KLHL13: variants seen among roughly 807,000 people sequenced by gnomAD.
The protein encoded by KLHL13 is kelch-like protein 13.
A neutral mutation model predicts 37.1 loss-of-function variants in KLHL13; 10 were observed. The observed-to-expected ratio is 0.27, with a 90% CI of 0.17 to 0.46. The LOEUF (loss-of-function observed/expected upper bound fraction) is 0.46, where lower values mean the gene tolerates loss of function less well. Ranked by LOEUF, KLHL13 falls within the 20% of genes least tolerant of loss-of-function variation. The pLI is 1.00. For missense variants in KLHL13, 360 were observed against 509.3 expected (o/e 0.71, Z 2.82); for synonymous variants, 163 against 181.2 (o/e 0.90, Z 0.81).
intron 1 of KLHL13, among the ~76,000 whole-genome samples, chrX:118,023,703 G>C (rs2054246305): frequency 9.0e-6 from 1 of 111,238 alleles, no homozygotes; most frequent in African/African-American, 3.3e-5. Context: ...CAAATAGCTG[G>C]AATTACAGGT....
At chrX:117,955,689 A>G (rs1276984516) in intron 1 of KLHL13, among the ~76,000 whole-genome samples, 2 of 111,803 alleles carry the variant, frequency 1.8e-5, no homozygotes, top group Non-Finnish European at 3.8e-5. Flanking sequence ...TACGTGGCTC[A>G]ATGGAAGCAA....
intron 3 of KLHL13, among the ~76,000 whole-genome samples, 165 bp from the exon 5 acceptor site, chrX:117,919,882 A>G (rs756257683): frequency 9.1e-6 from 1 of 110,104 alleles, no homozygotes; most frequent in South Asian, 4.1e-4. Context: ...AAGTACTTAA[A>G]AAAGATAATC....
chrX:117,963,498 T>G (rs1004883146), intron 1 of KLHL13, among the ~76,000 whole-genome samples: 3 of 110,934 alleles, frequency 2.7e-5, no homozygotes, highest in Admixed American at 9.7e-5. Context: ...TCCAAGTCTT[T>G]GCTATTGTGA....
At chrX:118,114,148 T>A (rs2055441702) in intron 1 of KLHL13, among the ~76,000 whole-genome samples, 1 of 112,647 alleles carries the variant, frequency 8.9e-6, no homozygotes, top group East Asian at 2.8e-4. Context: ...TCAAGAGGTT[T>A]TAGTGGTTTA....
intron 1 of KLHL13, among the ~76,000 whole-genome samples, chrX:118,072,043 C>CA (rs1486362236): frequency 0.018 from 1,896 of 105,387 alleles, 39 homozygotes; most frequent in African/African-American, 0.061. Context: ...GCCAAAAGAA[C>CA]AAAGCTGGAG....
chrX:118,082,964 T>C (rs112666422), intron 1 of KLHL13, among the ~76,000 whole-genome samples: 4,480 of 111,788 alleles, frequency 0.04, 226 homozygotes, highest in African/African-American at 0.14. Flanking sequence ...TATGTGTCTG[T>C]TTTTATGCCA....
intron 4 of KLHL13, among the ~76,000 whole-genome samples, chrX:117,916,500 G>A (rs1489467956): frequency 8.9e-6 from 1 of 112,141 alleles, no homozygotes; most frequent in Admixed American, 9.4e-5. Context: ...TAGAAGGGAG[G>A]TTGGCTCTTG....
intron 1 of KLHL13, among the ~76,000 whole-genome samples, chrX:118,074,288 C>G (rs1329943314): frequency 8.9e-6 from 1 of 111,920 alleles, no homozygotes; most frequent in Non-Finnish European, 1.9e-5. Context: ...AAAACTGGTT[C>G]TCATAAGGGT....
chrX:118,000,077 AC>A (rs2053902664), intron 1 of KLHL13, among the ~76,000 whole-genome samples: 3 of 112,078 alleles, frequency 2.7e-5, no homozygotes, highest in African/African-American at 9.7e-5. Flanking sequence ...GGAACTGTTA[AC>A]CCCATCTGAT....
chrX:117,920,964 T>C (rs1931664357), intron 2 of KLHL13, among the ~76,000 whole-genome samples: 1 of 111,529 alleles, frequency 9.0e-6, no homozygotes, highest in South Asian at 3.8e-4. Flanking sequence ...TTATCTTTGT[T>C]TGAAAAAAAA....
At chrX:118,060,417 C>T (rs893395137) in intron 1 of KLHL13, among the ~76,000 whole-genome samples, 1 of 111,197 alleles carries the variant, frequency 9.0e-6, no homozygotes, top group Non-Finnish European at 1.9e-5. Context: ...AGCCTGAAAT[C>T]CCCACAATAA....
At chrX:118,055,615 A>T (rs765597720) in intron 1 of KLHL13, among the ~76,000 whole-genome samples, 2 of 111,662 alleles carry the variant, frequency 1.8e-5, no homozygotes, top group Non-Finnish European at 3.8e-5. Context: ...TGCAAAAAAA[A>T]TTCAGTAATA....
chrX:118,099,527 C>T (rs1350594628), intron 1 of KLHL13, among the ~76,000 whole-genome samples: 3 of 111,467 alleles, frequency 2.7e-5, no homozygotes, highest in East Asian at 2.8e-4. Flanking sequence ...TAAATGCACT[C>T]GGCTGGGCAC....
intron 1 of KLHL13, among the ~76,000 whole-genome samples, chrX:117,985,043 T>C (rs2053707972): frequency 9.0e-6 from 1 of 111,050 alleles, no homozygotes; most frequent in Non-Finnish European, 1.9e-5. Context: ...AAAATTCCCT[T>C]AGAAATCTTA....
At position 118,111,256 on chromosome X, in the gene KLHL13, C is replaced by A. The variant is rs146290561; in HGVS notation, c.-56+5252G>T. 8.0e-3 allele frequency among the ~76,000 whole-genome samples: 903 copies of A among 112,243 alleles called. 10 individuals are homozygous for A. Among genetic ancestry groups the A allele is most frequent in the African/African-American group, 0.026 (789 of 30,921 alleles). ...TATATACCATATGTTATGTAATACACCATTAGGGTCTATGGTGCAACCCCA... is the reference window on the plus strand; with the variant it reads ...TATATACCATATGTTATGTAATACAACATTAGGGTCTATGGTGCAACCCCA... On this transcript the variant is annotated intron_variant, in intron 1 of 6. Transcript: ENST00000371882.
chrX:117,952,228 A>G (rs944006226), intron 1 of KLHL13, among the ~76,000 whole-genome samples: 8 of 111,562 alleles, frequency 7.2e-5, no homozygotes, highest in African/African-American at 2.6e-4. Flanking sequence ...GGAACAGAAC[A>G]GAGCCCTCAG....
intron 1 of KLHL13, among the ~76,000 whole-genome samples, chrX:117,957,085 C>A (rs779159996): frequency 3.6e-5 from 4 of 111,618 alleles, no homozygotes; most frequent in Admixed American, 9.6e-5. Context: ...TTGACCCTTG[C>A]TTCTTCCCCA....
chrX:118,087,430 A>G (rs1330292048), intron 1 of KLHL13, among the ~76,000 whole-genome samples: 2 of 109,732 alleles, frequency 1.8e-5, no homozygotes, highest in Non-Finnish European at 3.8e-5. Context: ...CTGTGAGTAC[A>G]TTTATTCATT....
chrX:118,024,559 C>T (rs2054254310), intron 1 of KLHL13, among the ~76,000 whole-genome samples: 1 of 111,275 alleles, frequency 9.0e-6, no homozygotes, highest in African/African-American at 3.3e-5. Flanking sequence ...AATAATAACC[C>T]ATTTTTAAAT....
Sources: gnomAD v4.1 joint callset for allele counts (sites outside exome capture counted in the v4.1 genomes callset) on GRCh38, gnomAD v4.1.1 for gene constraint, MANE v1.5 for transcripts, NCBI Gene and HGNC (gene_info 2026-07-23, HGNC 2026-07-21) for gene names.